Variants in TNFSF18 observed in about 807,000 individuals in gnomAD.
TNFSF18 encodes the protein tumor necrosis factor ligand superfamily member 18.
TNFSF18 carries 6 observed loss-of-function variants against 9.6 expected under a neutral mutation model. That is an observed-to-expected ratio of 0.63 (90% CI 0.34 to 1.24). TNFSF18 has a LOEUF of 1.24. Among genes scored for constraint, TNFSF18 ranks in the 50% most tolerant of loss-of-function variants. The probability of loss-of-function intolerance (pLI) is 0.03; values close to 1 mark genes in which losing one functional copy is unlikely to be tolerated. For synonymous variants in TNFSF18, 68 were observed against 71.7 expected (o/e 0.95, Z 0.26); for missense variants, 210 against 201.0 (o/e 1.04, Z -0.27).
chr1:173,045,633 TTTGTTG>T (rs142244941), intron 1 of TNFSF18, among the ~76,000 whole-genome samples: 33,348 of 151,142 alleles, frequency 0.22, 4,899 homozygotes, highest in East Asian at 0.75. Flanking sequence ...AAAGAGGTTT[TTTGTTG>T]TTGTTGTTGT....
chr1:173,041,823 T>TACCAACGA, intron 2 of TNFSF18, 110 bp from the exon 3 acceptor site: 1 of 835,042 alleles, frequency 1.2e-6, no homozygotes. Context: ...TTTCTTTACC[T>TACCAACGA]GATCTACACT....
intron 1 of TNFSF18, among the ~76,000 whole-genome samples, chr1:173,047,372 G>C (rs67442604): frequency 0.2 from 30,884 of 152,096 alleles, 4,792 homozygotes; most frequent in East Asian, 0.75. Context: ...AAATGAGGTC[G>C]TTTTTAATAA....
intron 2 of TNFSF18, 122 bp from the exon 3 acceptor site, chr1:173,041,835 G>T: frequency 1.1e-6 from 1 of 874,034 alleles, no homozygotes; most frequent in Non-Finnish European, 1.7e-6. Flanking sequence ...ATCTACACTA[G>T]TTCTCTTCAA....
intron 1 of TNFSF18, among the ~76,000 whole-genome samples, chr1:173,044,804 C>G (rs182937961): frequency 6.6e-6 from 1 of 152,172 alleles, no homozygotes; most frequent in Admixed American, 6.5e-5. Flanking sequence ...GTGAGACTAG[C>G]TAAGAGATCA....
intron 2 of TNFSF18, 61 bp downstream of exon 2, chr1:173,043,878 C>T: frequency 2.2e-6 from 3 of 1,391,682 alleles, no homozygotes; most frequent in Non-Finnish European, 3.1e-6. Flanking sequence ...AGATCACTGA[C>T]ACCTGCCTTC....
chr1:173,042,676 A>G (rs1665011610), intron 2 of TNFSF18, among the ~76,000 whole-genome samples: 1 of 152,136 alleles, frequency 6.6e-6, no homozygotes, highest in Non-Finnish European at 1.5e-5. Flanking sequence ...ATGTTTGCCT[A>G]ACATTACTTG....
At chr1:173,042,709 C>T (rs544673271) in intron 2 of TNFSF18, among the ~76,000 whole-genome samples, 2 of 152,208 alleles carry the variant, frequency 1.3e-5, no homozygotes, top group African/African-American at 2.4e-5. Flanking sequence ...AGTGTGATCT[C>T]ACAGCCCCGG....
At chr1:173,048,400 T>A (rs1665117659) in intron 1 of TNFSF18, among the ~76,000 whole-genome samples, 1 of 152,166 alleles carries the variant, frequency 6.6e-6, no homozygotes, top group Non-Finnish European at 1.5e-5. Context: ...CCAACCCTAA[T>A]CAAATCATCA....
rs1047678861 is a variant in TNFSF18, at chr1:173,040,407, T to C, written c.*960A>G. On this transcript the variant is annotated 3_prime_UTR_variant, in exon 3 of 3. Coordinates refer to ENST00000404377, the MANE Select transcript of TNFSF18 (RefSeq NM_005092.4). ...GCAATGCAGGGGACTACCCATTGCC[T>C]CTTGTAGTCACTTGTCCTATGAGTT... 1 of 152,168 alleles carries C rather than the reference T, an allele frequency of 6.6e-6. No individual in the cohort carries two copies. Among genetic ancestry groups the C allele is most frequent in the Non-Finnish European group, 1.5e-5 (1 of 68,018 alleles). The allele number at this position is 152,168 out of a possible 1,614,324, so 9.4% of individuals were successfully genotyped here.
intron 1 of TNFSF18, 35 bp from the exon 2 acceptor site, chr1:173,044,004 G>C (rs761025944): frequency 6.3e-7 from 1 of 1,589,350 alleles, no homozygotes; most frequent in East Asian, 2.2e-5. Context: ...TGATTAGGAT[G>C]ATGACAGTGT....
At chr1:173,044,667 A>G (rs1665050921) in intron 1 of TNFSF18, among the ~76,000 whole-genome samples, 1 of 152,218 alleles carries the variant, frequency 6.6e-6, no homozygotes, top group Non-Finnish European at 1.5e-5. Flanking sequence ...CCCAAAGGTT[A>G]TTGGTTTCCT....
intron 1 of TNFSF18, among the ~76,000 whole-genome samples, chr1:173,046,919 G>T (rs1297354417): frequency 6.6e-6 from 1 of 151,406 alleles, no homozygotes; most frequent in Non-Finnish European, 1.5e-5. Flanking sequence ...TTGAGACAGG[G>T]TCTCATTCCG....
rs893280390 is a variant in TNFSF18, at chr1:173,039,894, C to T, written c.*1473G>A. 2.0e-5 allele frequency: 3 copies of T among 151,878 alleles called. No homozygotes were observed. Among genetic ancestry groups the T allele is most frequent in the East Asian group, 1.9e-4 (1 of 5,168 alleles). 9.4% of individuals were successfully genotyped at this position (151,878 alleles called of 1,614,324 possible). A position where few individuals can be genotyped will look rare whatever the true frequency, so the allele number is the denominator to read the frequency against. ...AAAGTCATACTAAGAAACAACTTGG[C>T]CTCAGGCTTAGCATGCTCCTGAGCA... On this transcript the variant is annotated 3_prime_UTR_variant, in exon 3 of 3. Transcript: ENST00000404377.
Position 173,039,667 on chromosome 1 carries a change from A to G in TNFSF18, c.*1700T>C, listed in dbSNP as rs965720596. ...CTAGCACCAGCCCACTCCAGCACAC[A>G]TTGCTTATAACACAACAAAGATCAA... On this transcript the variant is annotated 3_prime_UTR_variant, in exon 3 of 3. Transcript: ENST00000404377. Among the ~76,000 whole-genome samples, 13 of 152,060 alleles carry G rather than the reference A, an allele frequency of 8.5e-5. No homozygotes were observed. The highest frequency in any genetic ancestry group is 1.9e-4 in the Non-Finnish European group (13 of 68,008).
chr1:173,049,097 G>A (rs1571474365), intron 1 of TNFSF18, among the ~76,000 whole-genome samples: 1 of 152,306 alleles, frequency 6.6e-6, no homozygotes, highest in East Asian at 1.9e-4. Flanking sequence ...CTAGGAGAGA[G>A]AAACCAGAAT....
intron 1 of TNFSF18, among the ~76,000 whole-genome samples, chr1:173,048,666 T>A (rs981030359): frequency 1.3e-5 from 2 of 152,228 alleles, no homozygotes; most frequent in African/African-American, 2.4e-5. Context: ...TAACACTTTT[T>A]AAAGTGTTAC....
Position 173,041,488 on chromosome 1 carries a change from C to T in TNFSF18, c.413G>A (p.Gly138Glu). 1.2e-6 allele frequency: 2 copies of T among 1,613,422 alleles called. No homozygotes were observed. Among genetic ancestry groups the T allele is most frequent in the South Asian group, 2.2e-5 (2 of 91,046 alleles). Reference protein sequence around the residue: ...TNKSKIQNVGGTYELHVGDTI... With the variant: ...TNKSKIQNVGETYELHVGDTI... The stretch of plus-strand genomic sequence containing the variant: ...GTCCCCAACATGCAATTCATAAGTC[C>T]CTCCTACATTTTGGATTTTAGATTT... The change falls in exon 3 of 3, where the codon GGG becomes GAG. Residue 138 changes from glycine (G) to glutamate (E), a missense_variant. Gly to Glu is a moderately conservative substitution (Grantham distance 98). Transcript: ENST00000404377.
chr1:173,040,643 A>G lies in TNFSF18; in HGVS notation c.*724T>C, dbSNP rs1391312983. ...TTAAACCTAATGATTACTAATGGTTACTCTTTCTTTACAATTAGCAATGTT... is the reference window on the plus strand; with the variant it reads ...TTAAACCTAATGATTACTAATGGTTGCTCTTTCTTTACAATTAGCAATGTT... On this transcript the variant is annotated 3_prime_UTR_variant, in exon 3 of 3. Transcript: ENST00000404377. 6.6e-6 allele frequency: 1 copy of G among 152,108 alleles called. No individual in the cohort carries two copies. Among genetic ancestry groups the G allele is most frequent in the Non-Finnish European group, 1.5e-5 (1 of 68,012 alleles). The allele number at this position is 152,108 out of a possible 1,614,324, so 9.4% of individuals were successfully genotyped here. A position where few individuals can be genotyped will look rare whatever the true frequency, so the allele number is the denominator to read the frequency against.
chr1:173,050,396 C>T (rs1665152005), intron 1 of TNFSF18, among the ~76,000 whole-genome samples: 1 of 151,716 alleles, frequency 6.6e-6, no homozygotes, highest in Admixed American at 6.6e-5. Context: ...CATCCCATTC[C>T]TTGATATTCA....
Sources: allele counts gnomAD v4.1 joint callset (sites outside exome capture counted in the v4.1 genomes callset), GRCh38; gene constraint gnomAD v4.1.1; transcripts MANE v1.5; gene names NCBI Gene and HGNC (gene_info 2026-07-23, HGNC 2026-07-21).